DNER: variants seen among roughly 807,000 people sequenced by gnomAD.
DNER encodes delta and Notch-like epidermal growth factor-related receptor.
DNER carries 33 observed loss-of-function variants against 78.2 expected under a neutral mutation model. The ratio of observed to expected loss-of-function variants is 0.42; its 90% CI spans 0.32 to 0.56. The LOEUF (loss-of-function observed/expected upper bound fraction) is 0.56, where lower values mean the gene tolerates loss of function less well. Ranked by LOEUF, DNER falls within the 20% of genes least tolerant of loss-of-function variation. The pLI, the probability that DNER is intolerant of heterozygous loss-of-function variation, is 0.11. For synonymous variants in DNER, 417 were observed against 384.8 expected (o/e 1.08, Z -0.98); for missense variants, 918 against 975.3 (o/e 0.94, Z 0.78).
At chr2:229,494,730 C>T (rs1024967268) in intron 6 of DNER, among the ~76,000 whole-genome samples, 11 of 152,132 alleles carry the variant, frequency 7.2e-5, no homozygotes, top group Non-Finnish European at 1.2e-4. Context: ...GTTACAGCCC[C>T]GCTGATCTCT....
At chr2:229,632,557 AT>A (rs1219362631) in intron 1 of DNER, among the ~76,000 whole-genome samples, 2 of 152,318 alleles carry the variant, frequency 1.3e-5, no homozygotes, top group African/African-American at 4.8e-5. Flanking sequence ...TCAGGCAGGA[AT>A]TTTTGTGCAG....
chr2:229,580,276 T>A (rs1396209694), intron 4 of DNER: 1 of 152,180 alleles, frequency 6.6e-6, no homozygotes, highest in Non-Finnish European at 1.5e-5. Context: ...AGAAATGACC[T>A]CAGCTCCAAC....
chr2:229,361,114 A>G lies in DNER; in HGVS notation c.2103-2463T>C, dbSNP rs542560049. ...ACCACAGTTTTAAAACACACAGTAC[A>G]ATGAAAAGACTTTGTTTGAATCTCC... On this transcript the variant is annotated intron_variant, in intron 12 of 12. Transcript: ENST00000341772. 6.6e-5 allele frequency among the ~76,000 whole-genome samples: 10 copies of G among 152,304 alleles called. No homozygotes were observed. The South Asian group carries it at 2.1e-3, about 32-fold the overall frequency.
chr2:229,614,992 A>G (rs1190716442), intron 1 of DNER, among the ~76,000 whole-genome samples: 4 of 152,202 alleles, frequency 2.6e-5, no homozygotes, highest in African/African-American at 9.7e-5. Context: ...ATTTATCACC[A>G]AAGTTTCATT....
At chr2:229,599,413 A>T (rs769833764) in intron 1 of DNER, among the ~76,000 whole-genome samples, 15 of 148,518 alleles carry the variant, frequency 1.0e-4, no homozygotes, top group Non-Finnish European at 1.9e-4. Flanking sequence ...CAACATTGGT[A>T]CTTTTGACAC....
chr2:229,478,346 G>A (rs1695080566), intron 6 of DNER, among the ~76,000 whole-genome samples: 1 of 152,196 alleles, frequency 6.6e-6, no homozygotes, highest in African/African-American at 2.4e-5. Flanking sequence ...AAACCAAAAA[G>A]ATCCAGTGAT....
At chr2:229,568,681 T>C (rs1697156960) in intron 4 of DNER, among the ~76,000 whole-genome samples, 1 of 152,210 alleles carries the variant, frequency 6.6e-6, no homozygotes, top group Non-Finnish European at 1.5e-5. Context: ...CCTACTGACC[T>C]ACACACTCAC....
intron 4 of DNER, among the ~76,000 whole-genome samples, chr2:229,567,289 G>A (rs1336701170): frequency 6.6e-6 from 1 of 152,184 alleles, no homozygotes; most frequent in Non-Finnish European, 1.5e-5. Context: ...TAAAACCTAT[G>A]ATTCATGAGA....
intron 1 of DNER, among the ~76,000 whole-genome samples, chr2:229,642,581 C>T (rs1698645760): frequency 6.6e-6 from 1 of 152,324 alleles, no homozygotes; most frequent in South Asian, 2.1e-4. Flanking sequence ...CAGAGAGGAA[C>T]AAGAGAAGCC....
At chr2:229,363,338 T>C (rs1339518950) in intron 12 of DNER, among the ~76,000 whole-genome samples, 2 of 152,208 alleles carry the variant, frequency 1.3e-5, no homozygotes, top group African/African-American at 4.8e-5. Context: ...TCCAGGATAG[T>C]AGCAGTGAGA....
intron 9 of DNER, among the ~76,000 whole-genome samples, chr2:229,410,830 A>G (rs145755341): frequency 6.6e-6 from 1 of 152,326 alleles, no homozygotes; most frequent in African/African-American, 2.4e-5. Context: ...GAAAAATGAA[A>G]ATCAATATTT....
intron 1 of DNER, among the ~76,000 whole-genome samples, chr2:229,648,296 C>T (rs1395146220): frequency 1.2e-4 from 19 of 152,148 alleles, no homozygotes; most frequent in Admixed American, 1.2e-3. Flanking sequence ...CTAGTAGATG[C>T]TCAATAAAAG....
chr2:229,627,318 A>G (rs1698361964), intron 1 of DNER, among the ~76,000 whole-genome samples: 1 of 152,238 alleles, frequency 6.6e-6, no homozygotes. Context: ...ATAACTAGTT[A>G]CAAGATAGAA....
intron 11 of DNER, among the ~76,000 whole-genome samples, chr2:229,372,628 G>A (rs1478482000): frequency 1.3e-5 from 2 of 152,214 alleles, no homozygotes; most frequent in African/African-American, 4.8e-5. Context: ...CACAGTCAGT[G>A]TTGGAAACAG....
At chr2:229,630,786 C>A (rs1228220363) in intron 1 of DNER, among the ~76,000 whole-genome samples, 4 of 152,076 alleles carry the variant, frequency 2.6e-5, no homozygotes, top group South Asian at 2.1e-4. Context: ...CCCTTGCCCC[C>A]CTTCCTGCCT....
chr2:229,420,753 C>A (rs560814169), intron 8 of DNER, among the ~76,000 whole-genome samples: 130 of 152,134 alleles, frequency 8.5e-4, no homozygotes, highest in African/African-American at 3.0e-3. Context: ...ACAAAACAAA[C>A]AAAAACAGAA....
chr2:229,484,754 C>T (rs2154211535), intron 6 of DNER, among the ~76,000 whole-genome samples: 1 of 152,226 alleles, frequency 6.6e-6, no homozygotes, highest in South Asian at 2.1e-4. Flanking sequence ...AAAGAATTAT[C>T]CAAGGCAAAA....
rs565258945 is a variant in DNER at position 229,579,357 on chromosome 2, C to A, written c.847+6501G>T. 7.2e-5 allele frequency among the ~76,000 whole-genome samples: 11 copies of A among 152,282 alleles called. No homozygotes were observed. In the South Asian group the frequency reaches 2.3e-3, roughly 32 times the overall value. On this transcript the variant is annotated intron_variant, in intron 4 of 12. Coordinates refer to ENST00000341772, the MANE Select transcript of DNER (RefSeq NM_139072.4). ...CAGTGCTTGGAAAATGAGAGGCATG[C>A]AATGCATCTTTTCTAAACTAATACG...
intron 1 of DNER, among the ~76,000 whole-genome samples, chr2:229,684,167 AGAGT>A (rs1331981816): frequency 0.014 from 1,426 of 103,032 alleles, 4 homozygotes; most frequent in Middle Eastern, 0.026. Context: ...AGAGAGAGAG[AGAGT>A]GTGTGTGTGT....
Sources: allele counts gnomAD v4.1 joint callset (sites outside exome capture counted in the v4.1 genomes callset), GRCh38; gene constraint gnomAD v4.1.1; transcripts MANE v1.5; gene names NCBI Gene and HGNC (gene_info 2026-07-23, HGNC 2026-07-21).